The following TSPAN4 variants were observed in gnomAD, a reference collection of about 807,000 sequenced individuals.
TSPAN4 encodes the protein tetraspanin-4.
A neutral mutation model predicts 31.5 loss-of-function variants in TSPAN4; 38 were observed. That is an observed-to-expected ratio of 1.21 (90% confidence interval 0.93 to 1.58). The LOEUF (loss-of-function observed/expected upper bound fraction) is 1.58. TSPAN4 is among the 40% of genes most tolerant of loss of function. The probability of loss-of-function intolerance (pLI) is 0.00; values close to 1 mark genes in which losing one functional copy is unlikely to be tolerated. For synonymous variants in TSPAN4, 186 were observed against 144.6 expected, an observed-to-expected ratio of 1.29 and a Z score of -2.06; for missense variants, 330 against 317.3, an observed-to-expected ratio of 1.04 and a Z score of -0.30.
chr11:844,052 C>T (rs1437428719), intron 1 of TSPAN4: 4 of 152,488 alleles, frequency 2.6e-5, no homozygotes, highest in Admixed American at 2.6e-4. Context: ...GGCCACTTCC[C>T]TTCCCTGACC....
intron 2 of TSPAN4, chr11:849,045 T>C (rs1590225235): frequency 1.7e-6 from 1 of 595,014 alleles, no homozygotes; most frequent in African/African-American, 1.9e-5. Flanking sequence ...ACCAAGAATT[T>C]CAAGACGGGA....
rs1394653723 is a variant in TSPAN4, at chr11:848,457, G to T, written c.-18+1157G>T. On this transcript the variant is annotated intron_variant, in intron 2 of 8. Transcript: ENST00000397397. This position sits in a 1 kb window ranked among gnomAD's most constrained non-coding sequence, Gnocchi z 5.7. ...GTGCTGCCCTGGGGCTTGGGCTGCA[G>T]TTCTCTACAGAGCCCTTGGGGGGCA... Among the ~76,000 whole-genome samples, 1 of 152,052 alleles carries T rather than the reference G, an allele frequency of 6.6e-6. No homozygotes were observed. The highest frequency in any genetic ancestry group is 6.5e-5 in the Admixed American group (1 of 15,274).
rs766889871 is a variant in TSPAN4 at position 865,542 on chromosome 11, G to C, written c.360G>C (p.Lys120Asn). ...KIDRYAQQDL[K>N]KGLHLYGTQG... ...ACAGGTATGCCCAGCAAGACCTGAA[G>C]AAAGGCTTGCACCTGTACGGCACGC... The change falls in exon 6 of 9, where the codon AAG (lysine) becomes AAC (asparagine). Residue 120 changes from lysine to asparagine, a missense_variant. Physicochemically the swap from Lys to Asn is moderately conservative, Grantham distance 94 (BLOSUM62 0). Transcript: ENST00000397397. 1 of 1,612,294 alleles carries C rather than the reference G, an allele frequency of 6.2e-7. No individual in the cohort carries two copies. Among genetic ancestry groups the C allele is most frequent in the East Asian group, 2.2e-5 (1 of 44,866 alleles).
intron 5 of TSPAN4, 22 bp downstream of exon 5, chr11:864,533 G>A: frequency 1.2e-6 from 2 of 1,610,868 alleles, no homozygotes; most frequent in Admixed American, 1.7e-5. Context: ...TTGGCCGCAG[G>A]CCCAACTGCA....
chr11:862,079 C>G (rs762426081), intron 3 of TSPAN4, among the ~76,000 whole-genome samples: 21 of 152,228 alleles, frequency 1.4e-4, no homozygotes, highest in Non-Finnish European at 2.5e-4. Flanking sequence ...CAGGAAGCCC[C>G]ATCCCGGAGT....
At chr11:866,150 C>A in intron 8 of TSPAN4, 149 bp downstream of exon 8, 2 of 816,332 alleles carry the variant, frequency 2.4e-6, no homozygotes, top group Admixed American at 2.3e-5. Context: ...GGGGGATGGG[C>A]AGGGACGGCC....
chr11:860,194 C>T (rs754238188), intron 3 of TSPAN4, among the ~76,000 whole-genome samples: 4 of 152,212 alleles, frequency 2.6e-5, no homozygotes, highest in Non-Finnish European at 4.4e-5. Flanking sequence ...CCAGGATGGC[C>T]TGAGCGTGTG....
chr11:851,434 C>T (rs1202836673), intron 3 of TSPAN4, among the ~76,000 whole-genome samples: 1 of 152,196 alleles, frequency 6.6e-6, no homozygotes, highest in Non-Finnish European at 1.5e-5. Flanking sequence ...CCAGCTGGGC[C>T]AAGTGCCCAG....
At chr11:850,182 C>T in intron 2 of TSPAN4, 106 bp from the exon 3 acceptor site, 8 of 937,128 alleles carry the variant, frequency 8.5e-6, no homozygotes, top group South Asian at 1.7e-5. Flanking sequence ...CTTCTTCGGC[C>T]TGCACGCGAA....
At chr11:850,990 A>G (rs1444485999) in intron 3 of TSPAN4, among the ~76,000 whole-genome samples, 2 of 152,236 alleles carry the variant, frequency 1.3e-5, no homozygotes, top group Admixed American at 1.3e-4. Flanking sequence ...CCGGCAGCAG[A>G]GGCTTCCCTA....
chr11:860,894 AC>A (rs1848417832), intron 3 of TSPAN4, among the ~76,000 whole-genome samples: 1 of 152,084 alleles, frequency 6.6e-6, no homozygotes, highest in Admixed American at 6.5e-5. Flanking sequence ...CTTCCCCAGA[AC>A]CAGTCAACCG....
At position 848,563 on chromosome 11, in the gene TSPAN4, G is replaced by A. The variant is rs556733849; in HGVS notation, c.-18+1263G>A. 3.3e-5 allele frequency among the ~76,000 whole-genome samples: 5 copies of A among 152,238 alleles called. No homozygotes were observed. Among genetic ancestry groups the A allele is most frequent in the Middle Eastern group, 3.4e-3 (1 of 294 alleles). On this transcript the variant is annotated intron_variant, in intron 2 of 8. Coordinates refer to ENST00000397397, the MANE Select transcript of TSPAN4 (RefSeq NM_003271.5). This position sits in a 1 kb window ranked among gnomAD's most constrained non-coding sequence, Gnocchi z 5.7. ...CTCCCTGGGCACCCGGGGCTTCCAC[G>A]GCAGCCCTCCCCAGACCTGCCACCT...
intron 3 of TSPAN4, among the ~76,000 whole-genome samples, chr11:856,386 C>CTGA (rs763986660): frequency 3.9e-4 from 59 of 151,554 alleles, no homozygotes; most frequent in Middle Eastern, 6.8e-3. Context: ...ACAGTGTGAG[C>CTGA]TGATGTCTGG....
chr11:852,867 G>A (rs561633753), intron 3 of TSPAN4, among the ~76,000 whole-genome samples: 138 of 149,058 alleles, frequency 9.3e-4, no homozygotes, highest in African/African-American at 3.1e-3. Context: ...TCCCCCCGGC[G>A]GGACCTCAAG....
At chr11:844,015 C>T (rs1847138545) in intron 1 of TSPAN4, 1 of 152,488 alleles carries the variant, frequency 6.6e-6, no homozygotes, top group East Asian at 1.9e-4. Context: ...CATACCCCAC[C>T]CAGCCACGTG....
Position 864,549 on chromosome 11 carries a change from G to C in TSPAN4, c.330+38G>C, listed in dbSNP as rs543144854. The C allele has an allele frequency of 2.6e-5, 41 of 1,607,122 alleles. No homozygotes were observed. The East Asian group carries it at 7.4e-4, about 29-fold the overall frequency. ...TGGCCGCAGGCCCAACTGCAGGGCTGGGGGCTCCATCCTCACTCCCAGGGA... is the reference window on the plus strand; with the variant it reads ...TGGCCGCAGGCCCAACTGCAGGGCTCGGGGCTCCATCCTCACTCCCAGGGA... On this transcript the variant is annotated intron_variant, in intron 5 of 8. Coordinates refer to ENST00000397397, the MANE Select transcript of TSPAN4 (RefSeq NM_003271.5).
At chr11:853,831 G>A (rs1434153701) in intron 3 of TSPAN4, among the ~76,000 whole-genome samples, 1 of 152,258 alleles carries the variant, frequency 6.6e-6, no homozygotes, top group African/African-American at 2.4e-5. Flanking sequence ...AGGTTGGGGA[G>A]TGGGAAGCAG....
chr11:861,722 CAA>C (rs574501630), intron 3 of TSPAN4, among the ~76,000 whole-genome samples: 47 of 148,408 alleles, frequency 3.2e-4, no homozygotes, highest in Non-Finnish European at 6.1e-4. Context: ...AAAAAAAAAA[CAA>C]AAAAGACTAT....
intron 2 of TSPAN4, 139 bp from the exon 3 acceptor site, chr11:850,149 G>A: frequency 1.6e-6 from 1 of 634,228 alleles, no homozygotes. Context: ...CGGGCGCGCG[G>A]GCGGCGGGGA....
Sources: allele counts gnomAD v4.1 joint callset (sites outside exome capture counted in the v4.1 genomes callset), GRCh38; gene constraint gnomAD v4.1.1; non-coding constraint Gnocchi (gnomAD v3.1); transcripts MANE v1.5; gene names NCBI Gene and HGNC (gene_info 2026-07-23, HGNC 2026-07-21).